ATP10B: variants seen among roughly 807,000 people sequenced by gnomAD.
ATP10B encodes phospholipid-transporting ATPase VB.
Under a neutral mutation model 141.2 loss-of-function variants are expected in ATP10B, and 122 were observed. The observed-to-expected ratio is 0.86, with a 90% confidence interval of 0.75 to 1.00. The LOEUF (loss-of-function observed/expected upper bound fraction) is 1.00, where lower values mean the gene tolerates loss of function less well. Among genes scored for constraint, ATP10B ranks in the 50% least tolerant of loss-of-function variants. ATP10B has a pLI of 0.00. For synonymous variants in ATP10B, 685 were observed against 692.0 expected (o/e 0.99, Z 0.16); for missense variants, 1,876 against 1,825.3 (o/e 1.03, Z -0.51).
At chr5:160,824,962 T>TC (rs1554121994) in intron 1 of ATP10B, among the ~76,000 whole-genome samples, 1 of 71,952 alleles carries the variant, frequency 1.4e-5, no homozygotes, top group African/African-American at 3.3e-5. Flanking sequence ...TTCCTTAAAC[T>TC]CTTTTTTTTA....
In ATP10B at chr5:160,573,402, C is replaced by T. The variant is rs950612573; in HGVS notation, c.3751-3719G>A. On this transcript the variant is annotated intron_variant, in intron 24 of 25. Coordinates refer to ENST00000327245, the MANE Select transcript of ATP10B (RefSeq NM_025153.3). ...TATTTGTTATGACAGCCTGAGAAGA[C>T]GCAGACAATTCTGCAGCTTTTTTCG... is the stretch of plus-strand genomic sequence containing the variant. 1.7e-4 allele frequency among the ~76,000 whole-genome samples: 26 copies of T among 152,280 alleles called. 1 individual carries two copies. The highest frequency in any genetic ancestry group is 6.3e-4 in the African/African-American group (26 of 41,566).
intron 13 of ATP10B, among the ~76,000 whole-genome samples, chr5:160,628,280 G>A (rs1455025634): frequency 6.6e-6 from 1 of 152,230 alleles, no homozygotes; most frequent in Non-Finnish European, 1.5e-5. Flanking sequence ...CAGTGTCACT[G>A]AGGCTGGGTC....
intron 2 of ATP10B, among the ~76,000 whole-genome samples, chr5:160,732,125 T>A (rs1766787687): frequency 6.6e-6 from 1 of 152,282 alleles, no homozygotes; most frequent in African/African-American, 2.4e-5. Context: ...ATGTAAAGGA[T>A]AATGTGCTTA....
chr5:160,627,586 C>A lies in ATP10B; in HGVS notation c.1620+4543G>T, dbSNP rs562982080. Among the ~76,000 whole-genome samples, 5 of 152,142 alleles carry A rather than the reference C, an allele frequency of 3.3e-5. No homozygotes were observed. The South Asian group carries it at 1.0e-3, about 32-fold the overall frequency. On this transcript the variant is annotated intron_variant, in intron 13 of 25. Transcript: ENST00000327245. ...CAGAATAAAAAAATGCACATACTGG[C>A]CAATTTAGCAATTATGCTCTAAGAA...
chr5:160,715,475 G>T (rs1448912443), intron 3 of ATP10B, among the ~76,000 whole-genome samples: 24 of 141,990 alleles, frequency 1.7e-4, no homozygotes, highest in Non-Finnish European at 1.5e-5. Flanking sequence ...GCTTCGGCTC[G>T]CGCACGGTGC....
At chr5:160,828,704 T>C (rs1219642456) in intron 1 of ATP10B, among the ~76,000 whole-genome samples, 1 of 151,940 alleles carries the variant, frequency 6.6e-6, no homozygotes, top group African/African-American at 2.4e-5. Flanking sequence ...ATCCCATTAC[T>C]GGGTATGTAC....
chr5:160,791,056 T>A (rs753451411), intron 1 of ATP10B, among the ~76,000 whole-genome samples: 30 of 152,072 alleles, frequency 2.0e-4, no homozygotes, highest in Non-Finnish European at 7.4e-5. Context: ...GGAATAGACC[T>A]CAGGTGAAAG....
At chr5:160,790,224 TG>T (rs1226325851) in intron 1 of ATP10B, among the ~76,000 whole-genome samples, 2 of 152,172 alleles carry the variant, frequency 1.3e-5, no homozygotes, top group African/African-American at 4.8e-5. Context: ...ATTACTGCCT[TG>T]GGTATGATAC....
intron 2 of ATP10B, among the ~76,000 whole-genome samples, chr5:160,766,383 C>CACACACAG (rs1304731413): frequency 1.5e-5 from 2 of 130,660 alleles, no homozygotes; most frequent in Non-Finnish European, 3.4e-5. Context: ...CACACACACA[C>CACACACAG]AGACACTCAC....
At chr5:160,576,563 A>T (rs183133709) in intron 24 of ATP10B, among the ~76,000 whole-genome samples, 1 of 152,302 alleles carries the variant, frequency 6.6e-6, no homozygotes. Context: ...GTAAGTGTTT[A>T]ATAAGAGAAA....
chr5:160,661,912 T>C lies in ATP10B; in HGVS notation c.675+8551A>G, dbSNP rs551382094. Among the ~76,000 whole-genome samples, 4 of 152,204 alleles carry C rather than the reference T, an allele frequency of 2.6e-5. No homozygotes were observed. The South Asian group carries it at 8.3e-4, about 32-fold the overall frequency. ...ATCTAGAAAGCCCCATCGTCTCAGC[T>C]CAAAATCTCCTTAAGCTGACAGGCA... is the stretch of plus-strand genomic sequence containing the variant. On this transcript the variant is annotated intron_variant, in intron 7 of 25. Transcript: ENST00000327245.
At chr5:160,726,235 A>AT (rs1288313617) in intron 2 of ATP10B, among the ~76,000 whole-genome samples, 1 of 152,166 alleles carries the variant, frequency 6.6e-6, no homozygotes, top group Non-Finnish European at 1.5e-5. Flanking sequence ...CACACCAGGG[A>AT]TAAGTGCGGG....
chr5:160,855,864 TTG>T (rs1753983681), upstream of ATP10B, among the ~76,000 whole-genome samples: 1 of 151,816 alleles, frequency 6.6e-6, no homozygotes, highest in Non-Finnish European at 1.5e-5. Flanking sequence ...CTCCATTGAA[TTG>T]TTCTTGTAAC....
intron 7 of ATP10B, among the ~76,000 whole-genome samples, chr5:160,664,790 T>C (rs1388671593): frequency 4.6e-5 from 7 of 152,128 alleles, no homozygotes; most frequent in African/African-American, 1.4e-4. Context: ...ATTTGGAAAA[T>C]AGATAGCCAG....
the ATP10B span, among the ~76,000 whole-genome samples, chr5:160,919,080 C>T: frequency 4.7e-5 from 7 of 149,772 alleles, no homozygotes; most frequent in Middle Eastern, 3.4e-3. Context: ...AAAAATTAGC[C>T]GGGCATGGTG....
intron 22 of ATP10B, among the ~76,000 whole-genome samples, chr5:160,593,036 C>A (rs1035542351): frequency 1.3e-5 from 2 of 152,226 alleles, no homozygotes; most frequent in African/African-American, 4.8e-5. Context: ...CTTAAATGTC[C>A]CTGTCTGACA....
At chr5:160,714,718 G>C (rs1457667329) in intron 3 of ATP10B, among the ~76,000 whole-genome samples, 53 of 110,568 alleles carry the variant, frequency 4.8e-4, no homozygotes, top group Non-Finnish European at 8.1e-4. Flanking sequence ...CAGTTTTTCT[G>C]TTCTGTTTTT....
intron 9 of ATP10B, among the ~76,000 whole-genome samples, chr5:160,642,099 G>A (rs1759911514): frequency 8.5e-5 from 13 of 152,194 alleles, no homozygotes; most frequent in Admixed American, 8.5e-4. Context: ...CAGTGGATAA[G>A]AGTGTGGGCT....
chr5:160,835,515 C>G (rs150140818), intron 1 of ATP10B, among the ~76,000 whole-genome samples: 112 of 152,272 alleles, frequency 7.4e-4, no homozygotes, highest in Non-Finnish European at 1.2e-3. Flanking sequence ...TCATGTGCTA[C>G]TTTTGGATCT....
Sources: gnomAD v4.1 joint callset for allele counts (sites outside exome capture counted in the v4.1 genomes callset) on GRCh38, gnomAD v4.1.1 for gene constraint, MANE v1.5 for transcripts, NCBI Gene and HGNC (gene_info 2026-07-23, HGNC 2026-07-21) for gene names.